PPARGC1B: variants seen among roughly 807,000 people sequenced by gnomAD.
The protein encoded by PPARGC1B is peroxisome proliferator-activated receptor gamma coactivator 1-beta.
In PPARGC1B, 34 loss-of-function variants were observed where a neutral mutation model predicts 101.6. That is an observed-to-expected ratio of 0.33 (90% confidence interval 0.25 to 0.45). The LOEUF (loss-of-function observed/expected upper bound fraction) is 0.45, where lower values mean the gene tolerates loss of function less well. Ranked by LOEUF, PPARGC1B falls within the 20% of genes least tolerant of loss-of-function variation. The probability of loss-of-function intolerance (pLI) is 1.00; values close to 1 mark genes in which losing one functional copy is unlikely to be tolerated. For synonymous variants in PPARGC1B, 548 were observed against 539.3 expected, an observed-to-expected ratio of 1.02 and a Z score of -0.22; for missense variants, 1,234 against 1,317.6, an observed-to-expected ratio of 0.94 and a Z score of 0.98.
At chr5:149,767,703 A>G (rs2113174425) in intron 1 of PPARGC1B, among the ~76,000 whole-genome samples, 1 of 152,120 alleles carries the variant, frequency 6.6e-6, no homozygotes, top group Admixed American at 6.5e-5. Flanking sequence ...TTCCCTTTGG[A>G]CATCTGGCAG....
At chr5:149,764,568 G>A (rs1041306904) in intron 1 of PPARGC1B, among the ~76,000 whole-genome samples, 1 of 152,212 alleles carries the variant, frequency 6.6e-6, no homozygotes, top group African/African-American at 2.4e-5. Flanking sequence ...TTACAGAGGA[G>A]GAAACTGAGT....
At chr5:149,842,109 C>A in intron 9 of PPARGC1B, 147 bp from the exon 10 acceptor site, 2 of 1,020,612 alleles carry the variant, frequency 2.0e-6, no homozygotes, top group Non-Finnish European at 2.8e-6. Context: ...TAGAGATTGG[C>A]ATTGTCCTCT....
chr5:149,834,539 G>A, intron 5 of PPARGC1B, 135 bp from the exon 6 acceptor site: 1 of 686,428 alleles, frequency 1.5e-6, no homozygotes, highest in Non-Finnish European at 2.5e-6. Flanking sequence ...TCTAAAAGTG[G>A]CAGAGGTGTT....
At chr5:149,738,549 A>G (rs1410200573) in intron 1 of PPARGC1B, among the ~76,000 whole-genome samples, 1 of 152,038 alleles carries the variant, frequency 6.6e-6, no homozygotes, top group Non-Finnish European at 1.5e-5. Flanking sequence ...ATTTTAATGT[A>G]TTCATAGCCT....
At chr5:149,769,137 T>TTGCATG (rs1192834894) in intron 1 of PPARGC1B, among the ~76,000 whole-genome samples, 9 of 152,260 alleles carry the variant, frequency 5.9e-5, no homozygotes, top group Non-Finnish European at 8.8e-5. Context: ...TCTAGATCTC[T>TTGCATG]TGCATGTGCA....
chr5:149,788,514 G>A (rs1241092352), intron 1 of PPARGC1B, among the ~76,000 whole-genome samples: 1 of 152,242 alleles, frequency 6.6e-6, no homozygotes. Flanking sequence ...GGAAGACAGT[G>A]TGGCGATTCC....
intron 1 of PPARGC1B, among the ~76,000 whole-genome samples, chr5:149,774,571 G>A (rs1057498584): frequency 6.6e-6 from 1 of 151,840 alleles, no homozygotes; most frequent in South Asian, 2.1e-4. Flanking sequence ...AGGACTCCCA[G>A]CTTTGACATT....
intron 1 of PPARGC1B, among the ~76,000 whole-genome samples, chr5:149,754,310 CG>C (rs78753619): frequency 0.078 from 11,930 of 152,110 alleles, 526 homozygotes; most frequent in South Asian, 0.13. Context: ...GTCCTTCTTG[CG>C]TGCCCCCCTC....
In PPARGC1B at chr5:149,837,224, T is replaced by G; in HGVS notation, c.2618+151T>G. 2 of 1,279,690 alleles carry G rather than the reference T, an allele frequency of 1.6e-6. No homozygotes were observed. Among genetic ancestry groups the G allele is most frequent in the Non-Finnish European group, 2.1e-6 (2 of 955,320 alleles). The allele number at this position is 1,279,690 out of a possible 1,614,324, so 79.3% of individuals were successfully genotyped here. A position where few individuals can be genotyped will look rare whatever the true frequency, so the allele number is the denominator to read the frequency against. ...GTGGCCCATGTCTTGGTCAGGAGCC[T>G]TGAAGGTGGTCTTCTGGGGCAGTTG... is the stretch of plus-strand genomic sequence containing the variant. On this transcript the variant is annotated intron_variant, in intron 8 of 11. Coordinates refer to ENST00000309241, the MANE Select transcript of PPARGC1B (RefSeq NM_133263.4). The surrounding 1 kb of genome is among the most constrained non-coding windows in gnomAD (Gnocchi z 4.2).
At chr5:149,792,735 T>A (rs546878829) in intron 1 of PPARGC1B, among the ~76,000 whole-genome samples, 4 of 151,684 alleles carry the variant, frequency 2.6e-5, no homozygotes, top group Admixed American at 2.6e-4. Flanking sequence ...TGTTCCGTAG[T>A]TGTATTCATT....
At chr5:149,856,090 C>T (rs935353940), downstream of PPARGC1B, among the ~76,000 whole-genome samples, 3 of 152,080 alleles carry the variant, frequency 2.0e-5, no homozygotes, top group Non-Finnish European at 4.4e-5. Flanking sequence ...AGAGCCTGGG[C>T]AACAGAGCAA....
In PPARGC1B at chr5:149,806,536, G is replaced by A. The variant is rs1013622818; in HGVS notation, c.79-13897G>A. ...TGCGGAAATAGAACCAGAGAACGTG[G>A]ACACTATAGGACCCCAGAAAACACC... On this transcript the variant is annotated intron_variant, in intron 1 of 11. Transcript: ENST00000309241. Among the ~76,000 whole-genome samples the A allele has an allele frequency of 3.3e-5, 5 of 152,106 alleles. No individual in the cohort carries two copies. In the East Asian group the frequency reaches 7.7e-4, roughly 23 times the overall value.
chr5:149,783,866 C>A (rs974931958), intron 1 of PPARGC1B, among the ~76,000 whole-genome samples: 1 of 152,028 alleles, frequency 6.6e-6, no homozygotes, highest in Non-Finnish European at 1.5e-5. Context: ...CATCTTTATA[C>A]CCCTTTATAC....
At position 149,730,360 on chromosome 5, in the gene PPARGC1B, C is replaced by T. The variant is rs1392726512; in HGVS notation, c.18C>T (p.Cys6=). Residue 6 remains cysteine (C), a synonymous_variant, in exon 1 of 12, where the codon TGC becomes TGT. Coordinates refer to ENST00000309241, the MANE Select transcript of PPARGC1B (RefSeq NM_133263.4). The surrounding 1 kb of genome is among the most constrained non-coding windows in gnomAD (Gnocchi z 4.0). The stretch of plus-strand genomic sequence containing the variant: ...GCTGGAAGATGGCGGGGAACGACTG[C>T]GGCGCGCTGCTGGACGAAGAGCTCT... MAGND[C]GALLDEELSS... 2.6e-6 allele frequency: 4 copies of T among 1,567,956 alleles called. No homozygotes were observed. The South Asian group carries it at 3.6e-5, about 14-fold the overall frequency.
intron 1 of PPARGC1B, among the ~76,000 whole-genome samples, chr5:149,750,948 C>T: frequency 6.6e-6 from 1 of 152,092 alleles, no homozygotes; most frequent in Non-Finnish European, 1.5e-5. Context: ...AATGTAAAAG[C>T]AATTTTGAAG....
intron 1 of PPARGC1B, among the ~76,000 whole-genome samples, chr5:149,807,898 C>A (rs1206127583): frequency 6.6e-6 from 1 of 152,074 alleles, no homozygotes; most frequent in Non-Finnish European, 1.5e-5. Context: ...TAATCCCGCC[C>A]AGGTGAGGGC....
chr5:149,837,465 A>T lies in PPARGC1B; in HGVS notation c.2618+392A>T, dbSNP rs1759151026. 6.6e-6 allele frequency among the ~76,000 whole-genome samples: 1 copy of T among 152,234 alleles called. No individual in the cohort carries two copies. Among genetic ancestry groups the T allele is most frequent in the South Asian group, 2.1e-4 (1 of 4,834 alleles). On this transcript the variant is annotated intron_variant, in intron 8 of 11. Transcript: ENST00000309241. The surrounding 1 kb of genome is among the most constrained non-coding windows in gnomAD (Gnocchi z 4.2). ...TACCTGCCCCAACAGTTTGAATTCT[A>T]GGGATGTTTATAAGTAAAAGAAAGA...
intron 1 of PPARGC1B, among the ~76,000 whole-genome samples, chr5:149,745,059 A>T (rs1755038869): frequency 6.6e-6 from 1 of 151,930 alleles, no homozygotes; most frequent in South Asian, 2.1e-4. Flanking sequence ...GTGCCACTAC[A>T]CCTGGATAAT....
At chr5:149,750,456 ATATATATAT>A (rs1561851654) in intron 1 of PPARGC1B, among the ~76,000 whole-genome samples, 17 of 4,366 alleles carry the variant, frequency 3.9e-3, no homozygotes, top group South Asian at 0.028. Flanking sequence ...TAGTTAAAAT[ATATATATAT>A]ATATATATAT....
Sources: allele counts gnomAD v4.1 joint callset (sites outside exome capture counted in the v4.1 genomes callset), GRCh38; gene constraint gnomAD v4.1.1; non-coding constraint Gnocchi (gnomAD v3.1); transcripts MANE v1.5; gene names NCBI Gene and HGNC (gene_info 2026-07-23, HGNC 2026-07-21).